SHOC1: variants seen among roughly 807,000 people sequenced by gnomAD.
The protein encoded by SHOC1 is protein shortage in chiasmata 1 ortholog.
In SHOC1, 136 loss-of-function variants were observed where a neutral mutation model predicts 179.2. The observed-to-expected ratio is 0.76, with a 90% CI of 0.66 to 0.87. SHOC1 has a LOEUF of 0.87. SHOC1 is among the 40% of genes least tolerant of loss of function. The probability of loss-of-function intolerance (pLI) is 0.00; values close to 1 mark genes in which losing one functional copy is unlikely to be tolerated. For missense variants in SHOC1, 1,538 were observed against 1,700.8 expected, an observed-to-expected ratio of 0.90 and a Z score of 1.68; for synonymous variants, 489 against 586.6, an observed-to-expected ratio of 0.83 and a Z score of 2.41.
intron 8 of SHOC1, among the ~76,000 whole-genome samples, chr9:111,752,739 C>T (rs547241660): frequency 3.9e-5 from 6 of 152,248 alleles, no homozygotes; most frequent in African/African-American, 1.4e-4. Context: ...AATAGAAATT[C>T]TCAGCAGTGA....
chr9:111,705,037 T>C (rs1178240193), intron 21 of SHOC1, among the ~76,000 whole-genome samples: 5 of 152,078 alleles, frequency 3.3e-5, no homozygotes, highest in African/African-American at 4.8e-5. Context: ...TATGAGGGTG[T>C]AGTATAGGGA....
intron 13 of SHOC1, among the ~76,000 whole-genome samples, chr9:111,724,471 C>G (rs1833210729): frequency 6.6e-6 from 1 of 151,962 alleles, no homozygotes; most frequent in South Asian, 2.1e-4. Context: ...TCCCAAGTAG[C>G]TGGGAGCACA....
intron 27 of SHOC1, among the ~76,000 whole-genome samples, chr9:111,689,329 C>CAATAAT (rs564391953): frequency 7.8e-5 from 10 of 128,956 alleles, no homozygotes; most frequent in East Asian, 2.5e-4. Context: ...AAGACTCTGT[C>CAATAAT]AATAATAATA....
At position 111,694,372 on chromosome 9, in the gene SHOC1, A is replaced by AT. The variant is rs1423243589; in HGVS notation, c.3184-11dup. 3 of 1,590,396 alleles carry AT rather than the reference A, an allele frequency of 1.9e-6. No homozygotes were observed. The highest frequency in any genetic ancestry group is 2.6e-6 in the Non-Finnish European group (3 of 1,165,000). On this transcript the variant is annotated splice_polypyrimidine_tract_variant and intron_variant, in intron 24 of 27. Coordinates refer to ENST00000682961, the MANE Select transcript of SHOC1 (RefSeq NM_001378211.1). ...CTGGGGCAATTATAAGCTAAAAAAT[A>AT]TTTTTTATGTTAGATTATAGGAAAT...
In SHOC1 at chr9:111,692,222, G is replaced by C; in HGVS notation, c.3755C>G (p.Thr1252Ser). 1.2e-6 allele frequency: 2 copies of C among 1,613,398 alleles called. No homozygotes were observed. The highest frequency in any genetic ancestry group is 8.5e-7 in the Non-Finnish European group (1 of 1,179,418). The change falls in exon 27 of 28, where the codon ACC becomes AGC. Residue 1252 changes from threonine to serine, a missense_variant. By Grantham distance (58) the Thr-to-Ser change is moderately conservative (BLOSUM62 1). Transcript: ENST00000682961. ...ACAGCTGGAGTCTTTCCAGTAGCTG[G>C]TCTGATTGTATGAAGTCACAGGTGG... ...FLPPVTSYNQ[T>S]SYWKDSSCKS...
intron 25 of SHOC1, 123 bp from the exon 26 acceptor site, chr9:111,694,071 C>G (rs985729366): frequency 1.5e-5 from 16 of 1,068,256 alleles, no homozygotes; most frequent in Non-Finnish European, 2.1e-5. Flanking sequence ...CGAAAGTGAT[C>G]CATTTTATTC....
At chr9:111,774,988 T>C (rs1212672164) in intron 5 of SHOC1, among the ~76,000 whole-genome samples, 2 of 151,920 alleles carry the variant, frequency 1.3e-5, no homozygotes, top group East Asian at 1.9e-4. Flanking sequence ...TTGAATAAAA[T>C]ATACTTAAAA....
At chr9:111,693,043 T>A (rs1219043380) in intron 26 of SHOC1, among the ~76,000 whole-genome samples, 1 of 152,158 alleles carries the variant, frequency 6.6e-6, no homozygotes, top group East Asian at 1.9e-4. Context: ...TTATGGCTCA[T>A]GCCTGTAATC....
chr9:111,786,503 ATTTTTTTTTTTTTT>A (rs34413616), intron 2 of SHOC1, among the ~76,000 whole-genome samples: 1 of 110,270 alleles, frequency 9.1e-6, no homozygotes, highest in East Asian at 2.8e-4. Context: ...TGCTCTGCAG[ATTTTTTTTTTTTTT>A]TTTTTTTTTT....
intron 2 of SHOC1, among the ~76,000 whole-genome samples, 181 bp from the exon 3 acceptor site, chr9:111,786,216 A>G (rs916756910): frequency 4.6e-5 from 7 of 152,194 alleles, no homozygotes; most frequent in Non-Finnish European, 7.3e-5. Context: ...CGGGCAGATC[A>G]CAAGGTCAGG....
rs553810541 is a variant in SHOC1, at chr9:111,764,746, A to G, written c.443-5898T>C. ...TGCAGATAAACAAATGACAAAAGGA[A>G]TATAGTTTCTTTTAAAACTGTTTCA... is the stretch of plus-strand genomic sequence containing the variant. On this transcript the variant is annotated intron_variant, in intron 5 of 27. Coordinates refer to ENST00000682961, the MANE Select transcript of SHOC1 (RefSeq NM_001378211.1). Among the ~76,000 whole-genome samples, 20 of 152,324 alleles carry G rather than the reference A, an allele frequency of 1.3e-4. No individual in the cohort carries two copies. In the Middle Eastern group the frequency reaches 0.014, roughly 104 times the overall value.
chr9:111,728,122 CTT>C lies in SHOC1; in HGVS notation c.1418-75_1418-74del. 8 of 1,074,816 alleles carry C rather than the reference CTT, an allele frequency of 7.4e-6. No individual in the cohort carries two copies. In the South Asian group the frequency reaches 1.4e-4, roughly 19 times the overall value. 66.6% of individuals were successfully genotyped at this position (1,074,816 alleles called of 1,614,324 possible). ...AGTGTTCTATTAGGTATTTGAATAA[CTT>C]TTAGTTGTGGTTTCTTATTAATGTA... On this transcript the variant is annotated intron_variant, in intron 12 of 27. Transcript: ENST00000682961.
At position 111,722,580 on chromosome 9, in the gene SHOC1, G is replaced by C. The variant is rs1833113009; in HGVS notation, c.1960C>G (p.Gln654Glu). The change falls in exon 15 of 28, where the codon CAG becomes GAG. Residue 654 changes from glutamine (Q) to glutamate (E), a missense_variant. Physicochemically the swap from Gln to Glu is conservative, Grantham distance 29 (BLOSUM62 2). Transcript: ENST00000682961. ...TCGAGGAGGCAAAATGCTTGGCACT[G>C]GCTATCTGCAAAAATAAAAGCATTA... ...SVIEIQASDSQCQAFCLLEAA... is the reference protein window; with the variant it reads ...SVIEIQASDSECQAFCLLEAA... The C allele has an allele frequency of 6.3e-7, 1 of 1,591,650 alleles. No individual in the cohort carries two copies. The highest frequency in any genetic ancestry group is 1.4e-5 in the African/African-American group (1 of 73,374).
intron 26 of SHOC1, 78 bp from the exon 27 acceptor site, chr9:111,692,589 CA>C (rs1281151588): frequency 9.4e-7 from 1 of 1,058,456 alleles, no homozygotes; most frequent in African/African-American, 1.6e-5. Flanking sequence ...GGAAAGAAGG[CA>C]AAATATAAAT....
At chr9:111,794,278 T>TA (rs202117334) in intron 1 of SHOC1, among the ~76,000 whole-genome samples, 14,895 of 102,416 alleles carry the variant, frequency 0.15, 919 homozygotes, top group South Asian at 0.26. Context: ...AAAACCCACT[T>TA]AAAAAAAAAA....
At chr9:111,705,222 T>G in intron 21 of SHOC1, 25 bp downstream of exon 21, 1 of 1,187,974 alleles carries the variant, frequency 8.4e-7, no homozygotes, top group Non-Finnish European at 1.2e-6. Context: ...ACACTTTTGT[T>G]AAAATTGTGA....
chr9:111,770,821 A>G (rs1018552575), intron 5 of SHOC1, among the ~76,000 whole-genome samples: 4 of 152,124 alleles, frequency 2.6e-5, no homozygotes, highest in Admixed American at 1.3e-4. Flanking sequence ...TCTATTTTAT[A>G]TAAGTATAGC....
chr9:111,751,174 A>G, intron 8 of SHOC1, among the ~76,000 whole-genome samples: 1 of 152,020 alleles, frequency 6.6e-6, no homozygotes, highest in East Asian at 1.9e-4. Context: ...GTCTTATTTG[A>G]GTTCTCTATT....
intron 1 of SHOC1, among the ~76,000 whole-genome samples, chr9:111,792,744 T>C (rs1205824434): frequency 6.6e-6 from 1 of 152,228 alleles, no homozygotes; most frequent in Non-Finnish European, 1.5e-5. Context: ...TTAGATTCTG[T>C]GGTGTGGAGA....
Sources: allele counts gnomAD v4.1 joint callset (sites outside exome capture counted in the v4.1 genomes callset), GRCh38; gene constraint gnomAD v4.1.1; transcripts MANE v1.5; gene names NCBI Gene and HGNC (gene_info 2026-07-23, HGNC 2026-07-21).